Variants in PDE6A observed in about 807,000 individuals in gnomAD.
PDE6A encodes rod cGMP-specific 3',5'-cyclic phosphodiesterase subunit alpha.
Under a neutral mutation model 106.3 loss-of-function variants are expected in PDE6A, and 84 were observed. The ratio of observed to expected loss-of-function variants is 0.79; its 90% CI spans 0.66 to 0.95. The LOEUF (loss-of-function observed/expected upper bound fraction) is 0.95. PDE6A is among the 40% of genes least tolerant of loss of function. PDE6A has a pLI of 0.00. For missense variants in PDE6A, 1,052 were observed against 1,084.9 expected (o/e 0.97, Z 0.43); for synonymous variants, 394 against 386.6 (o/e 1.02, Z -0.23).
At chr5:149,870,893 G>A (rs28750246) in intron 17 of PDE6A, among the ~76,000 whole-genome samples, 1 of 146,026 alleles carries the variant, frequency 6.8e-6, no homozygotes, top group African/African-American at 2.6e-5. Flanking sequence ...GAAAGAAAAA[G>A]AAAGAAAGGA....
chr5:149,874,301 T>C (rs1361838861), intron 17 of PDE6A, among the ~76,000 whole-genome samples: 1 of 152,226 alleles, frequency 6.6e-6, no homozygotes, highest in Admixed American at 6.5e-5. Flanking sequence ...TTACCTACCC[T>C]TCTGTCTGAC....
At chr5:149,867,882 C>G in intron 18 of PDE6A, 83 bp from the exon 19 acceptor site, 1 of 1,352,514 alleles carries the variant, frequency 7.4e-7, no homozygotes, top group Non-Finnish European at 1.0e-6. Flanking sequence ...CTTGCAATTC[C>G]AAATCAACAA....
intron 21 of PDE6A, among the ~76,000 whole-genome samples, chr5:149,861,430 C>T (rs113660567): frequency 9.8e-5 from 15 of 152,362 alleles, no homozygotes; most frequent in African/African-American, 3.6e-4. Flanking sequence ...AGGAAAATCA[C>T]TTGAGCCCAA....
chr5:149,926,677 C>T (rs181517180), intron 4 of PDE6A, among the ~76,000 whole-genome samples: 78 of 152,132 alleles, frequency 5.1e-4, no homozygotes, highest in East Asian at 4.1e-3. Context: ...AAAAACACAC[C>T]ATTAAGAGAA....
At chr5:149,923,505 TAACATAACATAACATAACATA>T (rs771311919) in intron 4 of PDE6A, among the ~76,000 whole-genome samples, 311 of 2,954 alleles carry the variant, frequency 0.11, no homozygotes, top group Non-Finnish European at 0.11. Flanking sequence ...CTCAAATAAA[TAACATAACATAACATAACATA>T]ACATAACATA....
intron 13 of PDE6A, among the ~76,000 whole-genome samples, chr5:149,892,677 G>T (rs781099758): frequency 1.4e-4 from 22 of 151,912 alleles, no homozygotes; most frequent in Non-Finnish European, 2.9e-4. Flanking sequence ...TTTTTGTAGT[G>T]ATGGAGTTTC....
chr5:149,909,765 T>G (rs1249008602), intron 6 of PDE6A, among the ~76,000 whole-genome samples: 1 of 152,208 alleles, frequency 6.6e-6, no homozygotes, highest in Non-Finnish European at 1.5e-5. Flanking sequence ...GGCTTTAATA[T>G]GTAATATTTT....
At chr5:149,883,392 C>G (rs1426590200) in intron 17 of PDE6A, 37 bp downstream of exon 17, 4 of 1,355,838 alleles carry the variant, frequency 3.0e-6, no homozygotes, top group African/African-American at 1.4e-5. Flanking sequence ...TGATCCTAAG[C>G]CTAAGAGGAT....
At chr5:149,905,585 C>G (rs1289025985) in intron 7 of PDE6A, among the ~76,000 whole-genome samples, 1 of 152,232 alleles carries the variant, frequency 6.6e-6, no homozygotes, top group East Asian at 1.9e-4. Context: ...AAAGCCCTGC[C>G]AGCTTCACCC....
chr5:149,866,957 G>C (rs1760352969), intron 19 of PDE6A: 1 of 154,196 alleles, frequency 6.5e-6, no homozygotes, highest in Non-Finnish European at 1.4e-5. Context: ...TACAAAGAGA[G>C]AGTGAGAACG....
intron 3 of PDE6A, chr5:149,932,769 C>G: frequency 1.0e-6 from 1 of 986,930 alleles, no homozygotes; most frequent in East Asian, 2.6e-5. Context: ...CATATTAAAT[C>G]CTTTAACTTG....
intron 17 of PDE6A, among the ~76,000 whole-genome samples, chr5:149,881,964 A>G (rs1001210370): frequency 2.0e-5 from 3 of 151,668 alleles, no homozygotes; most frequent in African/African-American, 7.3e-5. Flanking sequence ...AGGTGAGGGG[A>G]TTGCTTGAGC....
chr5:149,896,739 C>G lies in PDE6A; in HGVS notation c.1445G>C (p.Cys482Ser), dbSNP rs368578901. The G allele has an allele frequency of 5.6e-6, 9 of 1,614,086 alleles. No individual in the cohort carries two copies. The highest frequency in any genetic ancestry group is 7.6e-6 in the Non-Finnish European group (9 of 1,180,048). The change falls in exon 11 of 22, where the codon TGT becomes TCT. Residue 482 changes from cysteine to serine, a missense_variant. By Grantham distance (112) the Cys-to-Ser change is moderately radical. Coordinates refer to ENST00000255266, the MANE Select transcript of PDE6A (RefSeq NM_000440.3). ...GATCTCAGCCAGCTCCTCTTCCTCA[C>G]ACTCCCATGGCTCCTTCCCATACAC... Reference protein sequence around the residue: ...REVYGKEPWECEEEELAEILQ... With the variant: ...REVYGKEPWESEEEELAEILQ...
At chr5:149,872,191 C>A (rs1045855784) in intron 17 of PDE6A, among the ~76,000 whole-genome samples, 11 of 152,268 alleles carry the variant, frequency 7.2e-5, no homozygotes, top group African/African-American at 2.6e-4. Context: ...CTTGCTGTGT[C>A]CAGGGCAAGC....
intron 16 of PDE6A, among the ~76,000 whole-genome samples, chr5:149,883,757 T>C (rs1761018013): frequency 6.6e-6 from 1 of 152,254 alleles, no homozygotes; most frequent in African/African-American, 2.4e-5. Context: ...TGAATCTCAG[T>C]GTTCCCATCT....
chr5:149,918,811 C>A (rs1157850945), intron 5 of PDE6A, among the ~76,000 whole-genome samples: 2 of 151,636 alleles, frequency 1.3e-5, no homozygotes, highest in Non-Finnish European at 2.9e-5. Context: ...TAGTTAGAGA[C>A]AAGGTCTCAC....
chr5:149,860,709 C>T lies in PDE6A; in HGVS notation c.*186G>A. 5.5e-6 allele frequency: 3 copies of T among 547,376 alleles called. No homozygotes were observed. The highest frequency in any genetic ancestry group is 5.4e-5 in the South Asian group (2 of 37,044). The allele number at this position is 547,376 out of a possible 1,614,324, so 33.9% of individuals were successfully genotyped here. A position where few individuals can be genotyped will look rare whatever the true frequency, so the allele number is the denominator to read the frequency against. On this transcript the variant is annotated 3_prime_UTR_variant, in exon 22 of 22. Transcript: ENST00000255266. ...AGTGTTACTGTATTTTATGTGTGAC[C>T]CAAGACAATTCTTCCAATGTGGCCC...
intron 4 of PDE6A, among the ~76,000 whole-genome samples, chr5:149,924,785 A>G (rs1753825978): frequency 6.6e-6 from 1 of 152,212 alleles, no homozygotes; most frequent in Non-Finnish European, 1.5e-5. Flanking sequence ...TGTAAACCTG[A>G]CCCTTGATTC....
rs754699776 is a variant in PDE6A at position 149,915,016 on chromosome 5, A to G, written c.934-9T>C. On this transcript the variant is annotated splice_polypyrimidine_tract_variant and intron_variant, in intron 5 of 21. Coordinates refer to ENST00000255266, the MANE Select transcript of PDE6A (RefSeq NM_000440.3). Reference sequence around the variant, plus strand: ...TTGTAAAAGTTAATTTCCTGGCAAAAGAGAGAAAAATTATACTTTTTTTTT... The same window carrying G: ...TTGTAAAAGTTAATTTCCTGGCAAAGGAGAGAAAAATTATACTTTTTTTTT... 7 of 1,561,630 alleles carry G rather than the reference A, an allele frequency of 4.5e-6. No individual in the cohort carries two copies. The Admixed American group carries it at 1.2e-4, about 27-fold the overall frequency.
Sources: gnomAD v4.1 joint callset for allele counts (sites outside exome capture counted in the v4.1 genomes callset) on GRCh38, gnomAD v4.1.1 for gene constraint, MANE v1.5 for transcripts, NCBI Gene and HGNC (gene_info 2026-07-23, HGNC 2026-07-21) for gene names.